VRK2: variants seen among roughly 807,000 people sequenced by gnomAD.
VRK2 encodes VRK serine/threonine kinase 2.
In VRK2, 60 loss-of-function variants were observed where a neutral mutation model predicts 57.6. That is an observed-to-expected ratio of 1.04 (90% confidence interval 0.85 to 1.29). The LOEUF is 1.29. Among genes scored for constraint, VRK2 ranks in the 50% most tolerant of loss-of-function variants. The probability of loss-of-function intolerance (pLI) is 0.00; values close to 1 mark genes in which losing one functional copy is unlikely to be tolerated. For synonymous variants in VRK2, 231 were observed against 199.2 expected (o/e 1.16, Z -1.35); for missense variants, 705 against 588.1 (o/e 1.20, Z -2.06).
intron 1 of VRK2, among the ~76,000 whole-genome samples, chr2:57,931,052 AC>A (rs1034339766): frequency 1.3e-4 from 20 of 152,116 alleles, no homozygotes. Flanking sequence ...CCATCAAGGG[AC>A]AATTAAGTTG....
chr2:58,102,995 A>G (rs1463329453), intron 7 of VRK2, among the ~76,000 whole-genome samples: 1 of 151,782 alleles, frequency 6.6e-6, no homozygotes, highest in Admixed American at 6.6e-5. Flanking sequence ...CTTTGGATCA[A>G]TGATGAAATT....
rs1679292059 is a variant in VRK2 at position 58,132,089 on chromosome 2, A to T, written c.797+161A>T. On this transcript the variant is annotated intron_variant, in intron 9 of 12. Coordinates refer to ENST00000340157, the MANE Select transcript of VRK2 (RefSeq NM_006296.7). ...GTTTTAAAAAAACCAAACAACTAAC[A>T]CATAAAATCCATTAAGGTAACATTG... The T allele has an allele frequency of 5.1e-6, 4 of 785,526 alleles. No individual in the cohort carries two copies. In the South Asian group the frequency reaches 8.6e-5, roughly 17 times the overall value. 48.7% of individuals were successfully genotyped at this position (785,526 alleles called of 1,614,324 possible).
rs184399158 is a variant in VRK2, at chr2:58,000,198, T to C, written c.-438-25467T>C. ...AGAGACATAAAATATATGGCCATAA[T>C]ACTGTGTGATAAGTACTCTTGGTTA... On this transcript the variant is annotated intron_variant, in intron 1 of 15. Coordinates refer to the VRK2 transcript ENST00000417641. Among the ~76,000 whole-genome samples the C allele has an allele frequency of 5.9e-5, 9 of 152,310 alleles. 1 individual carries two copies. The East Asian group carries it at 1.5e-3, about 26-fold the overall frequency.
At chr2:57,993,854 T>C (rs1219513016) in intron 1 of VRK2, among the ~76,000 whole-genome samples, 1 of 152,230 alleles carries the variant, frequency 6.6e-6, no homozygotes, top group Non-Finnish European at 1.5e-5. Flanking sequence ...GTCTCCCATG[T>C]TCCCTAATGA....
At chr2:58,080,973 T>A (rs1670781723) in intron 2 of VRK2, among the ~76,000 whole-genome samples, 1 of 152,006 alleles carries the variant, frequency 6.6e-6, no homozygotes, top group African/African-American at 2.4e-5. Context: ...GGACCTGATT[T>A]AGATCTAATA....
At chr2:58,109,014 G>A (rs1675161664) in intron 7 of VRK2, among the ~76,000 whole-genome samples, 1 of 152,164 alleles carries the variant, frequency 6.6e-6, no homozygotes, top group Non-Finnish European at 1.5e-5. Flanking sequence ...TGCTCTTACA[G>A]CAAGTATTTG....
At chr2:58,028,895 AATAAATAAAT>A (rs1168067850) in intron 2 of VRK2, among the ~76,000 whole-genome samples, 137 of 57,274 alleles carry the variant, frequency 2.4e-3, no homozygotes, top group South Asian at 0.019. Context: ...TAAATAAATA[AATAAATAAAT>A]ATATATATAT....
chr2:57,984,920 T>C (rs1172156208), intron 1 of VRK2, among the ~76,000 whole-genome samples: 3 of 151,962 alleles, frequency 2.0e-5, no homozygotes, highest in Admixed American at 6.6e-5. Flanking sequence ...TATAATTAAA[T>C]AGGAATGAAC....
chr2:57,924,941 G>A (rs984945394), intron 1 of VRK2, among the ~76,000 whole-genome samples: 13 of 151,786 alleles, frequency 8.6e-5, no homozygotes, highest in African/African-American at 2.9e-4. Context: ...ATTATCAAAT[G>A]CATTTTCAGC....
At chr2:58,125,033 C>T (rs1243527267) in intron 8 of VRK2, among the ~76,000 whole-genome samples, 2 of 152,022 alleles carry the variant, frequency 1.3e-5, no homozygotes, top group East Asian at 3.9e-4. Context: ...TCTGTTACAC[C>T]TAATAGAATT....
chr2:58,046,514 T>C (rs1674765047), upstream of VRK2: 1 of 985,496 alleles, frequency 1.0e-6, no homozygotes, highest in African/African-American at 1.7e-5. Context: ...ATGTCGTGCT[T>C]ATTTCGTACC....
At chr2:58,135,055 C>A in intron 9 of VRK2, 86 bp from the exon 10 acceptor site, 3 of 1,441,912 alleles carry the variant, frequency 2.1e-6, no homozygotes, top group Non-Finnish European at 2.9e-6. Context: ...TGGTGACCTA[C>A]CAACACATAG....
At chr2:57,965,847 T>C (rs1558516448) in intron 1 of VRK2, among the ~76,000 whole-genome samples, 1 of 152,178 alleles carries the variant, frequency 6.6e-6, no homozygotes, top group Non-Finnish European at 1.5e-5. Context: ...GGTCATACCC[T>C]TATATAGCAT....
chr2:58,001,079 T>C (rs977844606), intron 1 of VRK2, among the ~76,000 whole-genome samples: 16 of 152,168 alleles, frequency 1.1e-4, no homozygotes, highest in African/African-American at 3.6e-4. Flanking sequence ...CTTCTTACTA[T>C]ACAGATGAAA....
At chr2:57,970,638 T>C (rs1672068838) in intron 1 of VRK2, among the ~76,000 whole-genome samples, 1 of 151,948 alleles carries the variant, frequency 6.6e-6, no homozygotes, top group Admixed American at 6.6e-5. Flanking sequence ...CATTAGCAAA[T>C]ATAATTTCAA....
At chr2:58,079,610 T>G (rs1051429606) in intron 2 of VRK2, among the ~76,000 whole-genome samples, 1 of 152,090 alleles carries the variant, frequency 6.6e-6, no homozygotes, top group African/African-American at 2.4e-5. Flanking sequence ...TTTTTTCCTA[T>G]GGGTTACAGT....
At chr2:58,081,803 T>C (rs1670907970) in intron 2 of VRK2, among the ~76,000 whole-genome samples, 1 of 151,630 alleles carries the variant, frequency 6.6e-6, no homozygotes, top group African/African-American at 2.4e-5. Context: ...ATGCATCTTA[T>C]AATCCAAGAC....
At chr2:58,080,265 C>A (rs1670672849) in intron 2 of VRK2, among the ~76,000 whole-genome samples, 1 of 151,370 alleles carries the variant, frequency 6.6e-6, no homozygotes, top group Non-Finnish European at 1.5e-5. Context: ...AATAATATGC[C>A]TTGGTATTTG....
At chr2:58,114,947 G>A (rs1676199912) in intron 7 of VRK2, among the ~76,000 whole-genome samples, 1 of 152,150 alleles carries the variant, frequency 6.6e-6, no homozygotes, top group African/African-American at 2.4e-5. Context: ...GCCCGTCCTG[G>A]GTGGGGGCAA....
Sources: gnomAD v4.1 joint callset for allele counts (sites outside exome capture counted in the v4.1 genomes callset) on GRCh38, gnomAD v4.1.1 for gene constraint, MANE v1.5 for transcripts, NCBI Gene and HGNC (gene_info 2026-07-23, HGNC 2026-07-21) for gene names.